SNX29: variants seen among roughly 807,000 people sequenced by gnomAD.
SNX29 encodes the protein sorting nexin 29, also known as sorting nexin-29.
Under a neutral mutation model 102.1 loss-of-function variants are expected in SNX29, and 78 were observed. The observed-to-expected ratio is 0.76, with a 90% CI of 0.64 to 0.92. The LOEUF is 0.92. SNX29 is among the 40% of genes least tolerant of loss of function. The pLI is 0.00. For missense variants in SNX29, 1,280 were observed against 1,061.7 expected, an observed-to-expected ratio of 1.21 and a Z score of -2.86; for synonymous variants, 580 against 414.5, an observed-to-expected ratio of 1.40 and a Z score of -4.85.
chr16:12,069,651 C>T (rs1227117023), intron 10 of SNX29, among the ~76,000 whole-genome samples: 1 of 152,138 alleles, frequency 6.6e-6, no homozygotes, highest in Non-Finnish European at 1.5e-5. Flanking sequence ...TGACGAATGT[C>T]AACACCTTTT....
At chr16:12,436,983 C>G (rs1597375775) in intron 18 of SNX29, among the ~76,000 whole-genome samples, 1 of 152,152 alleles carries the variant, frequency 6.6e-6, no homozygotes, top group East Asian at 1.9e-4. Flanking sequence ...TGAGGTATCG[C>G]TAGGGTATTT....
At chr16:12,532,747 G>T (rs958020191) in intron 20 of SNX29, among the ~76,000 whole-genome samples, 1 of 152,182 alleles carries the variant, frequency 6.6e-6, no homozygotes, top group Non-Finnish European at 1.5e-5. Flanking sequence ...TTGGATGGAA[G>T]CTGGGGACAG....
At chr16:12,551,798 C>T (rs2077993832) in intron 20 of SNX29, among the ~76,000 whole-genome samples, 1 of 152,186 alleles carries the variant, frequency 6.6e-6, no homozygotes, top group Non-Finnish European at 1.5e-5. Flanking sequence ...ACATGGGCAT[C>T]AAACTTCTGT....
At chr16:12,316,716 C>G (rs73506190) in intron 15 of SNX29, among the ~76,000 whole-genome samples, 82 of 152,290 alleles carry the variant, frequency 5.4e-4, no homozygotes, top group Non-Finnish European at 1.0e-3. Flanking sequence ...AGGCACACTT[C>G]CTTCTCTCCC....
At chr16:12,162,052 A>G (rs544857111) in intron 13 of SNX29, among the ~76,000 whole-genome samples, 1 of 152,128 alleles carries the variant, frequency 6.6e-6, no homozygotes, top group Admixed American at 6.5e-5. Context: ...TAAATGGTCT[A>G]TTAAACCTCA....
At position 12,572,447 on chromosome 16, in the gene SNX29, G is replaced by T. The variant is rs573515230; in HGVS notation, c.*3818G>T. 2.8e-6 allele frequency: 3 copies of T among 1,062,914 alleles called. No individual in the cohort carries two copies. Among genetic ancestry groups the T allele is most frequent in the Admixed American group, 5.4e-5 (1 of 18,634 alleles). The allele number at this position is 1,062,914 out of a possible 1,614,324, so 65.8% of individuals were successfully genotyped here. ...GGCAGTGGCTGCCTCTCTTGGTTCT[G>T]CATGGTACATTTTGCCAACCCTGAG... On this transcript the variant is annotated 3_prime_UTR_variant, in exon 21 of 21. Coordinates refer to ENST00000566228, the MANE Select transcript of SNX29 (RefSeq NM_032167.5).
intron 19 of SNX29, among the ~76,000 whole-genome samples, chr16:12,519,216 G>A (rs1054837304): frequency 8.5e-5 from 13 of 152,174 alleles, no homozygotes; most frequent in African/African-American, 2.9e-4. Flanking sequence ...CATACCTGTG[G>A]GTCACAGTTA....
chr16:12,309,273 T>A (rs990746298), intron 15 of SNX29, among the ~76,000 whole-genome samples: 20 of 152,216 alleles, frequency 1.3e-4, no homozygotes, highest in Non-Finnish European at 1.5e-5. Flanking sequence ...TTTGCCTTTT[T>A]GGTGCTCAAG....
At chr16:12,544,152 C>G (rs1226776865) in intron 20 of SNX29, among the ~76,000 whole-genome samples, 1 of 152,328 alleles carries the variant, frequency 6.6e-6, no homozygotes, top group Admixed American at 6.5e-5. Context: ...CGGCATCATT[C>G]CTAAGAACAC....
At chr16:12,134,363 C>T (rs1004121721) in intron 13 of SNX29, among the ~76,000 whole-genome samples, 3 of 152,180 alleles carry the variant, frequency 2.0e-5, no homozygotes, top group Non-Finnish European at 4.4e-5. Flanking sequence ...CTGAGGATGG[C>T]TTAGCCAGGG....
intron 13 of SNX29, 36 bp downstream of exon 13, chr16:12,129,794 G>C: frequency 6.4e-7 from 1 of 1,565,042 alleles, no homozygotes; most frequent in Non-Finnish European, 8.7e-7. Flanking sequence ...GTAAGCACGT[G>C]GGGGCTTCAT....
At position 12,377,674 on chromosome 16, in the gene SNX29, G is replaced by A. The variant is rs186834689; in HGVS notation, c.1900-20772G>A. On this transcript the variant is annotated intron_variant, in intron 16 of 20. Coordinates refer to ENST00000566228, the MANE Select transcript of SNX29 (RefSeq NM_032167.5). Reference sequence around the variant, plus strand: ...AGATAGTAGTGCTGATGGTGGTTACGGTGGTGATGGGAATGATGCTGATTA... The same window carrying A: ...AGATAGTAGTGCTGATGGTGGTTACAGTGGTGATGGGAATGATGCTGATTA... 9.8e-5 allele frequency among the ~76,000 whole-genome samples: 15 copies of A among 152,292 alleles called. No individual in the cohort carries two copies. In the East Asian group the frequency reaches 1.7e-3, roughly 18 times the overall value.
chr16:12,361,782 A>G (rs1221200858), intron 16 of SNX29, among the ~76,000 whole-genome samples: 1 of 152,142 alleles, frequency 6.6e-6, no homozygotes, highest in Non-Finnish European at 1.5e-5. Context: ...TTTTAGACTC[A>G]TGACAAACCT....
intron 14 of SNX29, among the ~76,000 whole-genome samples, chr16:12,240,028 T>G (rs956528022): frequency 1.3e-5 from 2 of 152,254 alleles, no homozygotes; most frequent in Non-Finnish European, 2.9e-5. Flanking sequence ...TAAATCATTT[T>G]GCATTCTCTC....
intron 9 of SNX29, among the ~76,000 whole-genome samples, chr16:12,063,149 T>G (rs533829281): frequency 1.8e-4 from 28 of 152,144 alleles, no homozygotes; most frequent in African/African-American, 6.3e-4. Flanking sequence ...ACCTTTGAGA[T>G]CCACAGTGAA....
intron 20 of SNX29, among the ~76,000 whole-genome samples, chr16:12,537,438 C>G (rs1361729407): frequency 6.6e-6 from 1 of 152,192 alleles, no homozygotes; most frequent in African/African-American, 2.4e-5. Flanking sequence ...ACATAGCAGC[C>G]TTGTGAACTT....
At chr16:12,462,004 T>TAA (rs2086815346) in intron 18 of SNX29, among the ~76,000 whole-genome samples, 1 of 66,718 alleles carries the variant, frequency 1.5e-5, no homozygotes, top group Non-Finnish European at 2.6e-5. Context: ...TATATATATA[T>TAA]ATATATATGT....
intron 16 of SNX29, among the ~76,000 whole-genome samples, chr16:12,369,902 G>C (rs550482365): frequency 9.2e-5 from 14 of 152,190 alleles, no homozygotes; most frequent in African/African-American, 3.1e-4. Context: ...TTTTTTGAAC[G>C]ATTTCTTCTT....
chr16:12,018,548 A>G (rs2056918398), intron 3 of SNX29, among the ~76,000 whole-genome samples: 1 of 151,422 alleles, frequency 6.6e-6, no homozygotes, highest in Non-Finnish European at 1.5e-5. Context: ...GTGTCACTGC[A>G]CTTCAGCCTG....
Sources: gnomAD v4.1 joint callset for allele counts (sites outside exome capture counted in the v4.1 genomes callset) on GRCh38, gnomAD v4.1.1 for gene constraint, MANE v1.5 for transcripts, NCBI Gene and HGNC (gene_info 2026-07-23, HGNC 2026-07-21) for gene names.